LTBP1: variants seen among roughly 807,000 people sequenced by gnomAD.
The protein encoded by LTBP1 is latent-transforming growth factor beta-binding protein 1.
A neutral mutation model predicts 207.6 loss-of-function variants in LTBP1; 129 were observed. That is an observed-to-expected ratio of 0.62 (90% confidence interval 0.54 to 0.72). The LOEUF (loss-of-function observed/expected upper bound fraction) is 0.72. LTBP1 is among the 30% of genes least tolerant of loss of function. LTBP1 has a pLI of 0.00. For synonymous variants in LTBP1, 963 were observed against 833.7 expected (o/e 1.16, Z -2.67); for missense variants, 2,281 against 2,217.2 (o/e 1.03, Z -0.58).
chr2:33,130,147 C>T (rs1216084722), intron 4 of LTBP1, among the ~76,000 whole-genome samples: 3 of 152,120 alleles, frequency 2.0e-5, no homozygotes, highest in African/African-American at 4.8e-5. Context: ...TCTTGGCCTT[C>T]GGGTAAGCGA....
intron 3 of LTBP1, among the ~76,000 whole-genome samples, chr2:33,039,199 G>T (rs1351572710): frequency 6.6e-6 from 1 of 151,826 alleles, no homozygotes; most frequent in Non-Finnish European, 1.5e-5. Context: ...TTGAAGTTCT[G>T]TTCATTATCA....
At chr2:33,262,853 A>G (rs1397256559) in intron 14 of LTBP1, 32 bp downstream of exon 14, 3 of 1,480,710 alleles carry the variant, frequency 2.0e-6, no homozygotes, top group Non-Finnish European at 1.9e-6. Flanking sequence ...TGTTTGTCAG[A>G]GTATTCTGAA....
intron 10 of LTBP1, among the ~76,000 whole-genome samples, chr2:33,244,738 G>A (rs1026903608): frequency 3.3e-5 from 5 of 152,080 alleles, no homozygotes; most frequent in Non-Finnish European, 5.9e-5. Context: ...TATAGACATG[G>A]GCCTTGTAGC....
At chr2:32,953,332 A>G (rs906316149) in intron 2 of LTBP1, among the ~76,000 whole-genome samples, 8 of 152,132 alleles carry the variant, frequency 5.3e-5, no homozygotes, top group Non-Finnish European at 1.5e-5. Flanking sequence ...CAAACTTGGG[A>G]GTCGAGCCCA....
At chr2:32,962,097 G>GT (rs1679217055) in intron 2 of LTBP1, among the ~76,000 whole-genome samples, 1 of 151,932 alleles carries the variant, frequency 6.6e-6, no homozygotes, top group Admixed American at 6.6e-5. Context: ...TGCATAAAAT[G>GT]TACCCATTTT....
At chr2:33,200,059 T>C (rs867059000) in intron 7 of LTBP1, among the ~76,000 whole-genome samples, 112 of 152,212 alleles carry the variant, frequency 7.4e-4, no homozygotes, top group African/African-American at 2.6e-3. Flanking sequence ...CCCAAGGTAA[T>C]GTATAGATTC....
chr2:33,152,783 T>A (rs1186607094), intron 5 of LTBP1, among the ~76,000 whole-genome samples: 1 of 152,172 alleles, frequency 6.6e-6, no homozygotes, highest in Non-Finnish European at 1.5e-5. Context: ...CAATTTTGAA[T>A]TGGTTTGTCA....
intron 24 of LTBP1, among the ~76,000 whole-genome samples, chr2:33,334,533 T>A (rs2094533020): frequency 6.6e-6 from 1 of 152,148 alleles, no homozygotes. Context: ...AGACTGGAGA[T>A]ACAACCAAAA....
rs1239466003 is a variant in LTBP1, at chr2:33,295,906, G to A, written c.3235+2624G>A. 2.0e-5 allele frequency among the ~76,000 whole-genome samples: 3 copies of A among 152,138 alleles called. No individual in the cohort carries two copies. In the East Asian group the frequency reaches 5.8e-4, roughly 29 times the overall value. On this transcript the variant is annotated intron_variant, in intron 20 of 33. Coordinates refer to ENST00000404816, the MANE Select transcript of LTBP1 (RefSeq NM_206943.4). ...AGGGAACATGCAGGCATCTGGATTT[G>A]ATGCCTTGCTCCAATAATACAACAG...
At position 33,361,381 on chromosome 2, in the gene LTBP1, A is replaced by G. The variant is rs749740645; in HGVS notation, c.4184-48A>G. On this transcript the variant is annotated intron_variant, in intron 27 of 33. Coordinates refer to ENST00000404816, the MANE Select transcript of LTBP1 (RefSeq NM_206943.4). ...AAAACTGAATTTGAAACATGCATTC[A>G]TGGAAGATGTTGAATCTTTTTTTTT... The G allele has an allele frequency of 3.2e-6, 4 of 1,267,218 alleles. No individual in the cohort carries two copies. The African/African-American group carries it at 4.7e-5, about 15-fold the overall frequency. 78.5% of individuals were successfully genotyped at this position (1,267,218 alleles called of 1,614,324 possible).
chr2:32,962,288 C>G (rs1023939424), intron 2 of LTBP1, among the ~76,000 whole-genome samples: 1 of 152,098 alleles, frequency 6.6e-6, no homozygotes, highest in East Asian at 1.9e-4. Context: ...AAGTAGGGTT[C>G]GTGCAAAGAC....
intron 26 of LTBP1, among the ~76,000 whole-genome samples, chr2:33,359,838 CATT>C (rs2094906836): frequency 6.6e-6 from 1 of 152,154 alleles, no homozygotes. Flanking sequence ...CAATCAATTT[CATT>C]ATTATCTGAA....
intron 2 of LTBP1, among the ~76,000 whole-genome samples, chr2:32,984,442 A>G (rs1395062298): frequency 3.3e-5 from 5 of 152,292 alleles, no homozygotes; most frequent in Admixed American, 2.6e-4. Flanking sequence ...TAGGAGAGCA[A>G]TCTCTCTGGC....
intron 7 of LTBP1, among the ~76,000 whole-genome samples, chr2:33,204,472 A>G (rs1049670962): frequency 1.3e-5 from 2 of 152,378 alleles, no homozygotes; most frequent in Non-Finnish European, 1.5e-5. Flanking sequence ...AATGCCTCCA[A>G]GATGATCACT....
At chr2:33,105,004 C>T (rs892240748) in intron 3 of LTBP1, among the ~76,000 whole-genome samples, 2 of 152,186 alleles carry the variant, frequency 1.3e-5, no homozygotes, top group Non-Finnish European at 2.9e-5. Context: ...ATTTGATCCT[C>T]AAGTCCTGTT....
intron 4 of LTBP1, among the ~76,000 whole-genome samples, chr2:33,122,234 C>T (rs1314824679): frequency 1.3e-5 from 2 of 152,172 alleles, no homozygotes; most frequent in Non-Finnish European, 2.9e-5. Context: ...AAGGCAATGC[C>T]TCTGGTCTGC....
chr2:33,212,125 T>A (rs2090355028), intron 7 of LTBP1, among the ~76,000 whole-genome samples: 1 of 152,234 alleles, frequency 6.6e-6, no homozygotes, highest in Non-Finnish European at 1.5e-5. Flanking sequence ...GTGGAATAAT[T>A]GTAATGATTC....
At chr2:33,122,167 G>A (rs1024578406) in intron 4 of LTBP1, among the ~76,000 whole-genome samples, 2 of 149,756 alleles carry the variant, frequency 1.3e-5, no homozygotes, top group Admixed American at 1.3e-4. Flanking sequence ...GGTTCGGAGC[G>A]GGAGCTTCGT....
intron 2 of LTBP1, among the ~76,000 whole-genome samples, chr2:32,977,229 G>C (rs1178103706): frequency 6.6e-6 from 1 of 152,228 alleles, no homozygotes. Context: ...AGGAGGTTAA[G>C]TCTGCCTGCT....
Sources: gnomAD v4.1 joint callset for allele counts (sites outside exome capture counted in the v4.1 genomes callset) on GRCh38, gnomAD v4.1.1 for gene constraint, MANE v1.5 for transcripts, NCBI Gene and HGNC (gene_info 2026-07-23, HGNC 2026-07-21) for gene names.